CCDC12: variants seen among roughly 807,000 people sequenced by gnomAD.
The protein encoded by CCDC12 is coiled-coil domain containing 12.
In CCDC12, 28 loss-of-function variants were observed where a neutral mutation model predicts 25.7. The ratio of observed to expected loss-of-function variants is 1.09; its 90% CI spans 0.81 to 1.50. CCDC12 has a LOEUF of 1.50. CCDC12 is among the 40% of genes most tolerant of loss of function. The probability of loss-of-function intolerance (pLI) is 0.00; values close to 1 mark genes in which losing one functional copy is unlikely to be tolerated. For synonymous variants in CCDC12, 75 were observed against 87.7 expected (o/e 0.86, Z 0.81); for missense variants, 198 against 210.0 (o/e 0.94, Z 0.35).
chr3:46,963,131 T>G (rs1040585362), intron 1 of CCDC12, among the ~76,000 whole-genome samples: 20 of 152,250 alleles, frequency 1.3e-4, no homozygotes, highest in Non-Finnish European at 4.4e-5. Flanking sequence ...GGAAGGCAAC[T>G]TCTCGTGTTA....
intron 2 of CCDC12, among the ~76,000 whole-genome samples, chr3:46,930,710 T>C (rs2033171091): frequency 6.6e-6 from 1 of 152,084 alleles, no homozygotes; most frequent in Non-Finnish European, 1.5e-5. Context: ...CACAGCCTGC[T>C]CACCCCCTCA....
chr3:46,957,299 T>C (rs2034320800), intron 1 of CCDC12, among the ~76,000 whole-genome samples: 1 of 152,200 alleles, frequency 6.6e-6, no homozygotes, highest in African/African-American at 2.4e-5. Flanking sequence ...CTGTAGTATC[T>C]AGTACTCGAA....
chr3:46,959,253 G>C (rs894951488), intron 1 of CCDC12, among the ~76,000 whole-genome samples: 3 of 152,186 alleles, frequency 2.0e-5, no homozygotes, highest in Non-Finnish European at 2.9e-5. Flanking sequence ...GAAAGGTTGA[G>C]AAAGCAGAAC....
intron 1 of CCDC12, among the ~76,000 whole-genome samples, chr3:46,966,580 T>C (rs761125149): frequency 6.6e-6 from 1 of 151,672 alleles, no homozygotes. Context: ...AGAGTGGCAA[T>C]ATGAAGACCT....
Position 46,922,271 on chromosome 3 carries a change from T to C in CCDC12, c.383A>G (p.Lys128Arg). Residue 128 changes from lysine to arginine, a missense_variant, in exon 6 of 7, where the codon AAA (lysine) becomes AGA (arginine). By Grantham distance (26) the Lys-to-Arg change is conservative. Coordinates refer to ENST00000683445, the MANE Select transcript of CCDC12 (RefSeq NM_001277074.2). ...RDVAKKLEKL[K>R]KRTQRAIAEL... ...GGCAATGGCCCTCTGAGTCCGCTTT[T>C]TTAGTTTCTCCAGCTTCTTGGCCAC... 2 of 1,614,260 alleles carry C rather than the reference T, an allele frequency of 1.2e-6. No individual in the cohort carries two copies. The highest frequency in any genetic ancestry group is 2.7e-5 in the African/African-American group (2 of 75,074).
At chr3:46,933,201 G>A (rs1228856456) in intron 2 of CCDC12, among the ~76,000 whole-genome samples, 1 of 152,188 alleles carries the variant, frequency 6.6e-6, no homozygotes, top group Non-Finnish European at 1.5e-5. Flanking sequence ...CTCCCTCAAC[G>A]GGAGCCCAGC....
intron 2 of CCDC12, among the ~76,000 whole-genome samples, chr3:46,939,277 T>C (rs1444514655): frequency 6.6e-6 from 1 of 152,084 alleles, no homozygotes; most frequent in Non-Finnish European, 1.5e-5. Flanking sequence ...TTCACAACCA[T>C]ATGGTTCAAC....
At chr3:46,958,355 A>T (rs1288548527) in intron 1 of CCDC12, among the ~76,000 whole-genome samples, 1 of 152,216 alleles carries the variant, frequency 6.6e-6, no homozygotes, top group African/African-American at 2.4e-5. Flanking sequence ...GACTAGAAGA[A>T]GTTAATCATT....
chr3:46,921,879 C>A lies in CCDC12; in HGVS notation c.*178G>T. 1 of 645,264 alleles carries A rather than the reference C, an allele frequency of 1.5e-6. No homozygotes were observed. Among genetic ancestry groups the A allele is most frequent in the South Asian group, 1.9e-5 (1 of 51,702 alleles). The allele number at this position is 645,264 out of a possible 1,614,324, so 40.0% of individuals were successfully genotyped here. A position where few individuals can be genotyped will look rare whatever the true frequency, so the allele number is the denominator to read the frequency against. On this transcript the variant is annotated 3_prime_UTR_variant, in exon 7 of 7. Coordinates refer to ENST00000683445, the MANE Select transcript of CCDC12 (RefSeq NM_001277074.2). ...CTGGTTCTGCCTCCATTCAGAATGGCAGGGGCCACCCAGCAGACAAGGAGC... is the reference window on the plus strand; with the variant it reads ...CTGGTTCTGCCTCCATTCAGAATGGAAGGGGCCACCCAGCAGACAAGGAGC...
chr3:46,972,515 T>C (rs1021525199), intron 1 of CCDC12, among the ~76,000 whole-genome samples: 4 of 152,006 alleles, frequency 2.6e-5, no homozygotes, highest in Non-Finnish European at 5.9e-5. Flanking sequence ...AAAATATATA[T>C]ACAAGTGGCA....
At chr3:46,937,082 C>A (rs779670216) in intron 2 of CCDC12, among the ~76,000 whole-genome samples, 2 of 152,146 alleles carry the variant, frequency 1.3e-5, no homozygotes, top group African/African-American at 2.4e-5. Flanking sequence ...CCAGGTTGGG[C>A]CCTTGGTCTC....
chr3:46,963,576 C>G (rs931788410), intron 1 of CCDC12, among the ~76,000 whole-genome samples: 22 of 152,328 alleles, frequency 1.4e-4, no homozygotes, highest in Admixed American at 1.2e-3. Context: ...CTGCCTCAGC[C>G]TGCCGAGTGC....
intron 1 of CCDC12, among the ~76,000 whole-genome samples, chr3:46,962,434 C>CAAAAAAAAAAAAAAAAAAA (rs33969115): frequency 6.3e-5 from 4 of 63,180 alleles, no homozygotes; most frequent in African/African-American, 2.6e-4. Context: ...AACTCTATCT[C>CAAAAAAAAAAAAAAAAAAA]AAAAAAAAAA....
At chr3:46,930,700 C>T (rs1211630344) in intron 2 of CCDC12, among the ~76,000 whole-genome samples, 1 of 152,206 alleles carries the variant, frequency 6.6e-6, no homozygotes, top group Non-Finnish European at 1.5e-5. Context: ...GTCCTGGCCC[C>T]ACAGCCTGCT....
intron 2 of CCDC12, among the ~76,000 whole-genome samples, chr3:46,938,340 C>G (rs1337894442): frequency 6.6e-6 from 1 of 152,078 alleles, no homozygotes; most frequent in Non-Finnish European, 1.5e-5. Flanking sequence ...TTATCTAGAA[C>G]TCACTGACAG....
chr3:46,944,926 A>G (rs948798199), intron 1 of CCDC12, among the ~76,000 whole-genome samples: 21 of 151,802 alleles, frequency 1.4e-4, no homozygotes, highest in Non-Finnish European at 4.4e-5. Context: ...ACACTCTTAC[A>G]CCCCACATTT....
chr3:46,965,919 C>T (rs1032557674), intron 1 of CCDC12: 2 of 152,418 alleles, frequency 1.3e-5, no homozygotes, highest in African/African-American at 4.8e-5. Flanking sequence ...TCACTTAACC[C>T]TTATCCTGGG....
rs1332642415 is a variant in CCDC12, at chr3:46,921,845, G to C, written c.*212C>G. On this transcript the variant is annotated 3_prime_UTR_variant, in exon 7 of 7. Coordinates refer to ENST00000683445, the MANE Select transcript of CCDC12 (RefSeq NM_001277074.2). ...ACATGTGCAGACACAGGCACGCCCAGAGTTGTTGCTGGTTCTGCCTCCATT... is the reference window on the plus strand; with the variant it reads ...ACATGTGCAGACACAGGCACGCCCACAGTTGTTGCTGGTTCTGCCTCCATT... 2.2e-5 allele frequency: 13 copies of C among 600,416 alleles called. No homozygotes were observed. In the East Asian group the frequency reaches 3.6e-4, roughly 17 times the overall value. The allele number at this position is 600,416 out of a possible 1,614,324, so 37.2% of individuals were successfully genotyped here. A position where few individuals can be genotyped will look rare whatever the true frequency, so the allele number is the denominator to read the frequency against.
At chr3:46,964,741 T>C (rs1260909254) in intron 1 of CCDC12, among the ~76,000 whole-genome samples, 1 of 152,122 alleles carries the variant, frequency 6.6e-6, no homozygotes, top group Non-Finnish European at 1.5e-5. Context: ...GTTAAACAGA[T>C]GCTTGAAGGC....
Sources: gnomAD v4.1 joint callset for allele counts (sites outside exome capture counted in the v4.1 genomes callset) on GRCh38, gnomAD v4.1.1 for gene constraint, MANE v1.5 for transcripts, NCBI Gene and HGNC (gene_info 2026-07-23, HGNC 2026-07-21) for gene names.